PARD3B: variants seen among roughly 807,000 people sequenced by gnomAD.
The protein encoded by PARD3B is par-3 family cell polarity regulator beta.
PARD3B carries 103 observed loss-of-function variants against 130.2 expected under a neutral mutation model. The ratio of observed to expected loss-of-function variants is 0.79; its 90% CI spans 0.67 to 0.93. The LOEUF is 0.93. PARD3B is among the 40% of genes least tolerant of loss of function. The probability of loss-of-function intolerance (pLI) is 0.00; values close to 1 mark genes in which losing one functional copy is unlikely to be tolerated. For missense variants in PARD3B, 1,609 were observed against 1,499.2 expected, an observed-to-expected ratio of 1.07 and a Z score of -1.21; for synonymous variants, 583 against 553.2, an observed-to-expected ratio of 1.05 and a Z score of -0.76.
chr2:204,813,700 A>C (rs10172209), intron 2 of PARD3B, among the ~76,000 whole-genome samples: 39,792 of 151,952 alleles, frequency 0.26, 8,389 homozygotes, highest in African/African-American at 0.58. Flanking sequence ...AAAGAGTGAG[A>C]CATGAGTTCA....
chr2:205,453,086 G>A (rs763142207), intron 20 of PARD3B, among the ~76,000 whole-genome samples: 1 of 152,148 alleles, frequency 6.6e-6, no homozygotes, highest in African/African-American at 2.4e-5. Context: ...AACACAAAGA[G>A]AATGGCACAG....
At chr2:205,510,176 G>A (rs1312040378) in intron 21 of PARD3B, among the ~76,000 whole-genome samples, 2 of 152,176 alleles carry the variant, frequency 1.3e-5, no homozygotes, top group African/African-American at 4.8e-5. Context: ...TGAGAGAATA[G>A]TACTGTCTCC....
chr2:205,184,373 A>C (rs186541241), intron 13 of PARD3B, among the ~76,000 whole-genome samples: 1 of 152,346 alleles, frequency 6.6e-6, no homozygotes, highest in Admixed American at 6.5e-5. Flanking sequence ...TAATAGATAC[A>C]AGTAGAACTT....
chr2:205,190,796 A>T (rs188138840), intron 14 of PARD3B, among the ~76,000 whole-genome samples: 2 of 152,316 alleles, frequency 1.3e-5, no homozygotes, highest in East Asian at 3.9e-4. Flanking sequence ...TTAAGTGCAA[A>T]TAAAGGTCGA....
At chr2:204,987,433 A>C (rs1051725479) in intron 3 of PARD3B, among the ~76,000 whole-genome samples, 3 of 152,206 alleles carry the variant, frequency 2.0e-5, no homozygotes, top group African/African-American at 7.2e-5. Flanking sequence ...ACCTTTGTCA[A>C]AGAAAAGATT....
At chr2:205,606,080 C>A in intron 22 of PARD3B, among the ~76,000 whole-genome samples, 1 of 151,278 alleles carries the variant, frequency 6.6e-6, no homozygotes. Context: ...GGGTCCAAAC[C>A]ATCTAGTCTC....
intron 2 of PARD3B, among the ~76,000 whole-genome samples, chr2:204,762,303 G>A (rs1159431977): frequency 2.0e-5 from 3 of 151,238 alleles, no homozygotes; most frequent in African/African-American, 7.3e-5. Context: ...TTGTAGAGAT[G>A]GGGTTTCACC....
At chr2:205,284,821 A>AT (rs1179985216) in intron 16 of PARD3B, among the ~76,000 whole-genome samples, 1 of 151,920 alleles carries the variant, frequency 6.6e-6, no homozygotes, top group Non-Finnish European at 1.5e-5. Flanking sequence ...ATAAACATTT[A>AT]TTTTTCCCCC....
chr2:205,012,784 A>G (rs1191378515), intron 3 of PARD3B, among the ~76,000 whole-genome samples: 6 of 152,220 alleles, frequency 3.9e-5, no homozygotes, highest in African/African-American at 1.4e-4. Flanking sequence ...GGAATCATGG[A>G]AAGAAAGCTA....
intron 20 of PARD3B, among the ~76,000 whole-genome samples, chr2:205,492,949 A>G (rs2049777208): frequency 6.6e-6 from 1 of 152,132 alleles, no homozygotes; most frequent in African/African-American, 2.4e-5. Flanking sequence ...TCTTCAATTA[A>G]GAATCCTAAA....
chr2:205,574,177 T>C (rs982001176), intron 22 of PARD3B, among the ~76,000 whole-genome samples: 12 of 152,240 alleles, frequency 7.9e-5, no homozygotes, highest in African/African-American at 2.9e-4. Flanking sequence ...ACCAGTAACC[T>C]TGTGGCAACT....
In PARD3B at chr2:205,301,946, G is replaced by A. The variant is rs566576206; in HGVS notation, c.2630+245G>A. 77 of 711,640 alleles carry A rather than the reference G, an allele frequency of 1.1e-4. 1 individual carries two copies. Among genetic ancestry groups the A allele is most frequent in the Non-Finnish European group, 1.4e-4 (56 of 393,224 alleles). The allele number at this position is 711,640 out of a possible 1,614,324, so 44.1% of individuals were successfully genotyped here. On this transcript the variant is annotated intron_variant, in intron 18 of 22. Transcript: ENST00000406610. The surrounding 1 kb of genome is among the most constrained non-coding windows in gnomAD (Gnocchi z 5.2). ...GAAAGGTCAACACTATGCCAGGCACGGTGGCTCATGCCTGTAATCTCAGTA... is the reference window on the plus strand; with the variant it reads ...GAAAGGTCAACACTATGCCAGGCACAGTGGCTCATGCCTGTAATCTCAGTA...
intron 2 of PARD3B, among the ~76,000 whole-genome samples, chr2:204,735,114 C>T (rs2039689246): frequency 6.6e-6 from 1 of 150,804 alleles, no homozygotes; most frequent in Admixed American, 6.6e-5. Context: ...CAGTGACAAC[C>T]ACTTGAGAAA....
Position 205,124,442 on chromosome 2 carries a change from A to T in PARD3B, c.1281A>T (p.Leu427=). The change falls in exon 9 of 23, where the codon CTA becomes CTT. Residue 427 remains leucine, a synonymous_variant. Coordinates refer to ENST00000406610, the MANE Select transcript of PARD3B (RefSeq NM_001302769.2). ...PKGAAIKDGR[L]QSGDRILEVN... Reference sequence around the variant, plus strand: ...GAGCAGCAATAAAAGATGGCCGCCTACAATCAGGGGACAGAATTTTGGAGG... The same window carrying T: ...GAGCAGCAATAAAAGATGGCCGCCTTCAATCAGGGGACAGAATTTTGGAGG... The T allele has an allele frequency of 6.2e-7, 1 of 1,600,810 alleles. No individual in the cohort carries two copies. The highest frequency in any genetic ancestry group is 1.1e-5 in the South Asian group (1 of 87,784).
At chr2:204,743,447 A>G (rs1410126611) in intron 2 of PARD3B, among the ~76,000 whole-genome samples, 1 of 152,140 alleles carries the variant, frequency 6.6e-6, no homozygotes, top group Non-Finnish European at 1.5e-5. Context: ...GGACATGTAC[A>G]TATCTTGAAA....
intron 15 of PARD3B, among the ~76,000 whole-genome samples, chr2:205,237,283 G>A (rs1368501995): frequency 6.6e-6 from 1 of 152,018 alleles, no homozygotes; most frequent in African/African-American, 2.4e-5. Flanking sequence ...TATATTTTCA[G>A]TAGAGACGGG....
intron 3 of PARD3B, among the ~76,000 whole-genome samples, chr2:204,994,037 G>T (rs1389197274): frequency 6.6e-6 from 1 of 150,380 alleles, no homozygotes; most frequent in Non-Finnish European, 1.5e-5. Context: ...CCAGCTCCTG[G>T]ATTCATTAAT....
chr2:205,471,067 G>T (rs1025188631), intron 20 of PARD3B, among the ~76,000 whole-genome samples: 3 of 152,158 alleles, frequency 2.0e-5, no homozygotes, highest in Non-Finnish European at 4.4e-5. Flanking sequence ...GTGACTGGCA[G>T]TGTTGGTCAG....
intron 2 of PARD3B, among the ~76,000 whole-genome samples, chr2:204,925,896 T>C (rs1314620650): frequency 6.6e-6 from 1 of 151,374 alleles, no homozygotes; most frequent in Non-Finnish European, 1.5e-5. Flanking sequence ...TCTGATGGTT[T>C]TATAAGGGGC....
Sources: gnomAD v4.1 joint callset for allele counts (sites outside exome capture counted in the v4.1 genomes callset) on GRCh38, gnomAD v4.1.1 for gene constraint, Gnocchi (gnomAD v3.1) non-coding constraint, MANE v1.5 for transcripts, NCBI Gene and HGNC (gene_info 2026-07-23, HGNC 2026-07-21) for gene names.